Variants in CCSER1 observed in about 807,000 individuals in gnomAD.
CCSER1 encodes the protein coiled-coil serine rich protein 1, also known as serine-rich coiled-coil domain-containing protein 1.
Under a neutral mutation model 82.0 loss-of-function variants are expected in CCSER1, and 41 were observed. The observed-to-expected ratio is 0.50, with a 90% confidence interval of 0.39 to 0.65. CCSER1 has a LOEUF of 0.65. Among genes scored for constraint, CCSER1 ranks in the 30% least tolerant of loss-of-function variants. CCSER1 has a pLI of 0.00. For missense variants in CCSER1, 1,119 were observed against 1,064.2 expected, an observed-to-expected ratio of 1.05 and a Z score of -0.72; for synonymous variants, 414 against 383.9, an observed-to-expected ratio of 1.08 and a Z score of -0.92.
chr4:91,096,113 T>C (rs905487118), intron 10 of CCSER1, among the ~76,000 whole-genome samples: 5 of 152,180 alleles, frequency 3.3e-5, no homozygotes, highest in African/African-American at 4.8e-5. Flanking sequence ...AAGGGTAATA[T>C]AAAAAGCACA....
chr4:90,958,864 A>C (rs982588370), intron 9 of CCSER1, among the ~76,000 whole-genome samples: 7 of 152,166 alleles, frequency 4.6e-5, no homozygotes, highest in African/African-American at 1.7e-4. Flanking sequence ...TAGTAGCCTG[A>C]GCAGATTAAG....
chr4:91,258,037 T>A (rs184105989), intron 10 of CCSER1, among the ~76,000 whole-genome samples: 13 of 152,228 alleles, frequency 8.5e-5, no homozygotes, highest in Admixed American at 3.9e-4. Flanking sequence ...TAGATGAAAT[T>A]TTCAGTGGGA....
intron 8 of CCSER1, among the ~76,000 whole-genome samples, chr4:90,916,065 A>G (rs1727344389): frequency 6.6e-6 from 1 of 152,204 alleles, no homozygotes; most frequent in South Asian, 2.1e-4. Flanking sequence ...GGAAGAATCA[A>G]TATCATGAAA....
chr4:90,432,172 A>G (rs1478678970), intron 4 of CCSER1, among the ~76,000 whole-genome samples: 1 of 152,162 alleles, frequency 6.6e-6, no homozygotes, highest in Non-Finnish European at 1.5e-5. Flanking sequence ...AGTCTTAGTA[A>G]CTATAACCTT....
intron 6 of CCSER1, among the ~76,000 whole-genome samples, chr4:90,637,114 G>C (rs1199661565): frequency 6.6e-6 from 1 of 152,084 alleles, no homozygotes; most frequent in Non-Finnish European, 1.5e-5. Flanking sequence ...GTTACCTATG[G>C]GTTATGGCTG....
intron 1 of CCSER1, among the ~76,000 whole-genome samples, chr4:90,146,403 A>C (rs1725816200): frequency 6.6e-6 from 1 of 152,076 alleles, no homozygotes; most frequent in Non-Finnish European, 1.5e-5. Context: ...TCTTTAGATC[A>C]TCTTTTTCCT....
intron 1 of CCSER1, among the ~76,000 whole-genome samples, chr4:90,227,954 C>T (rs916727413): frequency 6.6e-6 from 1 of 152,248 alleles, no homozygotes; most frequent in Non-Finnish European, 1.5e-5. Flanking sequence ...ATATCCCGCA[C>T]CTGGCTCGGA....
At chr4:90,666,886 A>G (rs1391529992) in intron 6 of CCSER1, among the ~76,000 whole-genome samples, 1 of 152,208 alleles carries the variant, frequency 6.6e-6, no homozygotes, top group African/African-American at 2.4e-5. Flanking sequence ...TGGGAGCGTC[A>G]GACAGAGATG....
intron 10 of CCSER1, among the ~76,000 whole-genome samples, chr4:91,127,953 C>A (rs568520124): frequency 1.8e-5 from 2 of 108,224 alleles, no homozygotes; most frequent in South Asian, 2.5e-4. Context: ...CTGGGACACT[C>A]CCAGATCTCA....
chr4:90,693,900 G>T (rs1030578776), intron 6 of CCSER1, among the ~76,000 whole-genome samples: 1 of 147,462 alleles, frequency 6.8e-6, no homozygotes, highest in African/African-American at 2.4e-5. Context: ...GAAAGAGAAA[G>T]AAAGAAGAAA....
intron 10 of CCSER1, among the ~76,000 whole-genome samples, chr4:91,344,376 G>A (rs549768957): frequency 1.6e-4 from 25 of 152,116 alleles, no homozygotes; most frequent in African/African-American, 5.5e-4. Context: ...CTAAGACTTC[G>A]GCATAATAAT....
At chr4:91,105,099 A>G (rs1725469167) in intron 10 of CCSER1, among the ~76,000 whole-genome samples, 1 of 151,966 alleles carries the variant, frequency 6.6e-6, no homozygotes, top group South Asian at 2.1e-4. Flanking sequence ...TTCACTCTTT[A>G]CCTTCATATA....
intron 4 of CCSER1, among the ~76,000 whole-genome samples, chr4:90,412,748 G>A (rs561254260): frequency 2.6e-5 from 4 of 152,172 alleles, no homozygotes; most frequent in African/African-American, 9.6e-5. Flanking sequence ...GCATAGAAGG[G>A]ACATACCTTA....
At chr4:90,705,886 G>T (rs1447410217) in intron 6 of CCSER1, among the ~76,000 whole-genome samples, 6 of 152,180 alleles carry the variant, frequency 3.9e-5, no homozygotes, top group Non-Finnish European at 8.8e-5. Context: ...GCTTCCCTTT[G>T]CTAGGAAAGG....
At chr4:90,687,179 C>T (rs1392300521) in intron 6 of CCSER1, among the ~76,000 whole-genome samples, 1 of 152,116 alleles carries the variant, frequency 6.6e-6, no homozygotes, top group Non-Finnish European at 1.5e-5. Context: ...GAATTATTCT[C>T]TCAATGTCTA....
intron 5 of CCSER1, among the ~76,000 whole-genome samples, chr4:90,491,603 A>G (rs1324592587): frequency 1.3e-5 from 2 of 152,128 alleles, no homozygotes; most frequent in Non-Finnish European, 2.9e-5. Context: ...CCAGTTTTCA[A>G]AGGGAGTAGG....
chr4:91,461,478 A>C (rs1756496380), intron 10 of CCSER1, among the ~76,000 whole-genome samples: 1 of 152,124 alleles, frequency 6.6e-6, no homozygotes, highest in Non-Finnish European at 1.5e-5. Flanking sequence ...TCCTTTATTA[A>C]GAAAAAAAAA....
chr4:90,690,757 T>C (rs548473793), intron 6 of CCSER1, among the ~76,000 whole-genome samples: 1 of 152,212 alleles, frequency 6.6e-6, no homozygotes, highest in African/African-American at 2.4e-5. Context: ...TATGTCTCTC[T>C]TTAAGTTAGT....
At chr4:90,458,277 A>C (rs1762436194) in intron 4 of CCSER1, among the ~76,000 whole-genome samples, 1 of 151,948 alleles carries the variant, frequency 6.6e-6, no homozygotes, top group East Asian at 1.9e-4. Context: ...TACACCTCCC[A>C]CACTGCAACC....
Sources: gnomAD v4.1 joint callset for allele counts (sites outside exome capture counted in the v4.1 genomes callset) on GRCh38, gnomAD v4.1.1 for gene constraint, MANE v1.5 for transcripts, NCBI Gene and HGNC (gene_info 2026-07-23, HGNC 2026-07-21) for gene names.